TRPM3: variants seen among roughly 807,000 people sequenced by gnomAD.
TRPM3 encodes long transient receptor potential channel 3.
TRPM3 carries 77 observed loss-of-function variants against 181.2 expected under a neutral mutation model. The ratio of observed to expected loss-of-function variants is 0.42; its 90% CI spans 0.35 to 0.51. The LOEUF (loss-of-function observed/expected upper bound fraction) is 0.51, where lower values mean the gene tolerates loss of function less well. Ranked by LOEUF, TRPM3 falls within the 20% of genes least tolerant of loss-of-function variation. The pLI is 0.01. For missense variants in TRPM3, 1,759 were observed against 2,196.7 expected (o/e 0.80, Z 3.98); for synonymous variants, 745 against 796.4 (o/e 0.94, Z 1.09).
chr9:70,633,688 A>G (rs999725953), intron 12 of TRPM3, among the ~76,000 whole-genome samples: 4 of 152,262 alleles, frequency 2.6e-5, no homozygotes, highest in Non-Finnish European at 4.4e-5. Context: ...AGTAGCCCCA[A>G]GGCCTTTGCT....
chr9:71,080,899 C>T (rs1185470067), intron 1 of TRPM3, among the ~76,000 whole-genome samples: 1 of 152,168 alleles, frequency 6.6e-6, no homozygotes, highest in Non-Finnish European at 1.5e-5. Context: ...GCATGAACGT[C>T]CTTAAGTCCC....
chr9:71,327,921 T>C (rs191101024), intron 1 of TRPM3, among the ~76,000 whole-genome samples: 3 of 152,302 alleles, frequency 2.0e-5, no homozygotes, highest in African/African-American at 7.2e-5. Context: ...AGCACAAGAA[T>C]AGCAGTCCTC....
intron 1 of TRPM3, among the ~76,000 whole-genome samples, chr9:70,969,642 TCTC>T (rs1440697619): frequency 6.6e-6 from 1 of 151,120 alleles, no homozygotes; most frequent in East Asian, 1.9e-4. Flanking sequence ...TGTGTTGAAA[TCTC>T]CTGCCTCTTA....
intron 9 of TRPM3, among the ~76,000 whole-genome samples, chr9:70,674,239 C>T (rs2063544137): frequency 6.6e-6 from 1 of 152,124 alleles, no homozygotes; most frequent in Non-Finnish European, 1.5e-5. Flanking sequence ...AGCAAGGTAA[C>T]TTCTCAGTAA....
chr9:70,926,288 G>A (rs1357605744), intron 1 of TRPM3, among the ~76,000 whole-genome samples: 1 of 152,082 alleles, frequency 6.6e-6, no homozygotes, highest in African/African-American at 2.4e-5. Context: ...GTTGGAATAA[G>A]CAATATTTTT....
chr9:71,143,401 C>T (rs971263209), intron 1 of TRPM3, among the ~76,000 whole-genome samples: 2 of 152,098 alleles, frequency 1.3e-5, no homozygotes, highest in Non-Finnish European at 2.9e-5. Flanking sequence ...CATGTGTTTT[C>T]ATCATTTAGC....
Position 70,784,232 on chromosome 9 carries a change from G to A in TRPM3, c.1021C>T (p.Pro341Ser). ...TCCAAAACAATCGAGATCACATTGG[G>A]TCCTCCTTCCACTATGAGTGCCACC... ...PVVALIVEGG[P>S]NVISIVLEYL... is the part of the protein sequence containing the mutation. Residue 341 changes from proline to serine, a missense_variant, in exon 7 of 26, where the codon CCC (proline) becomes TCC (serine). By Grantham distance (74) the Pro-to-Ser change is moderately conservative. Transcript: ENST00000677713. 6.2e-7 allele frequency: 1 copy of A among 1,613,340 alleles called. No individual in the cohort carries two copies. Among genetic ancestry groups the A allele is most frequent in the Non-Finnish European group, 8.5e-7 (1 of 1,179,586 alleles).
At chr9:70,846,266 T>A in intron 4 of TRPM3, 112 bp downstream of exon 4, 1 of 975,304 alleles carries the variant, frequency 1.0e-6, no homozygotes, top group Non-Finnish European at 1.6e-6. Context: ...TATGGACCCA[T>A]GGGTAGGGAT....
intron 1 of TRPM3, among the ~76,000 whole-genome samples, chr9:71,262,294 C>G (rs1259402484): frequency 6.6e-6 from 1 of 152,094 alleles, no homozygotes; most frequent in East Asian, 1.9e-4. Context: ...TCCGGACTTC[C>G]CAGGGGCTTT....
chr9:70,607,271 C>T (rs1409138223), intron 19 of TRPM3, among the ~76,000 whole-genome samples: 1 of 152,172 alleles, frequency 6.6e-6, no homozygotes, highest in Non-Finnish European at 1.5e-5. Flanking sequence ...GTGAGAAATA[C>T]TCTTACAGAG....
chr9:70,782,561 TG>T (rs2082697832), intron 7 of TRPM3, among the ~76,000 whole-genome samples: 1 of 152,132 alleles, frequency 6.6e-6, no homozygotes, highest in Non-Finnish European at 1.5e-5. Flanking sequence ...TCTTAAACTC[TG>T]GGTTGGTTGT....
intron 1 of TRPM3, among the ~76,000 whole-genome samples, chr9:70,971,154 A>G (rs1336328405): frequency 6.6e-6 from 1 of 152,156 alleles, no homozygotes; most frequent in Non-Finnish European, 1.5e-5. Context: ...ACACTGAATT[A>G]TAAAATGCCG....
At chr9:71,103,611 C>T (rs1418818314) in intron 1 of TRPM3, among the ~76,000 whole-genome samples, 1 of 152,158 alleles carries the variant, frequency 6.6e-6, no homozygotes, top group Non-Finnish European at 1.5e-5. Context: ...CAAAATCACT[C>T]AAGGTGGTCT....
chr9:70,636,448 A>T (rs2057211440), intron 11 of TRPM3, among the ~76,000 whole-genome samples: 1 of 152,214 alleles, frequency 6.6e-6, no homozygotes, highest in African/African-American at 2.4e-5. Flanking sequence ...AGGTAAATAT[A>T]AAGTGAAATA....
chr9:70,647,253 G>T (rs911246157), intron 9 of TRPM3, among the ~76,000 whole-genome samples: 1 of 151,940 alleles, frequency 6.6e-6, no homozygotes, highest in Non-Finnish European at 1.5e-5. Context: ...GAAAACTTCA[G>T]GCCAATATCC....
chr9:70,591,296 A>G, intron 21 of TRPM3, 91 bp from the exon 22 acceptor site: 2 of 1,103,928 alleles, frequency 1.8e-6, no homozygotes, highest in Non-Finnish European at 2.7e-6. Flanking sequence ...GAACCTTTGG[A>G]GGAGGTCCAC....
chr9:71,054,520 G>A (rs537527266), intron 1 of TRPM3, among the ~76,000 whole-genome samples: 1 of 152,208 alleles, frequency 6.6e-6, no homozygotes, highest in South Asian at 2.1e-4. Flanking sequence ...CAGTAGTCCA[G>A]TAGCACTAGG....
chr9:71,419,033 G>A (rs142445802), intron 1 of TRPM3, among the ~76,000 whole-genome samples: 3 of 151,050 alleles, frequency 2.0e-5, no homozygotes, highest in Middle Eastern at 3.5e-3. Context: ...GAGGAACTGT[G>A]AAAGTCTACA....
intron 1 of TRPM3, among the ~76,000 whole-genome samples, chr9:71,086,253 C>T (rs1177823324): frequency 2.6e-5 from 4 of 151,706 alleles, no homozygotes; most frequent in Non-Finnish European, 1.5e-5. Flanking sequence ...GGGTCCTATG[C>T]TTAGTAGCTA....
Sources: allele counts gnomAD v4.1 joint callset (sites outside exome capture counted in the v4.1 genomes callset), GRCh38; gene constraint gnomAD v4.1.1; transcripts MANE v1.5; gene names NCBI Gene and HGNC (gene_info 2026-07-23, HGNC 2026-07-21).